The following CAB39 variants were observed in gnomAD, a reference collection of about 807,000 sequenced individuals.
The protein encoded by CAB39 is calcium binding protein 39.
In CAB39, 8 loss-of-function variants were observed where a neutral mutation model predicts 40.0. The ratio of observed to expected loss-of-function variants is 0.20; its 90% CI spans 0.12 to 0.36. The LOEUF (loss-of-function observed/expected upper bound fraction) is 0.36, where lower values mean the gene tolerates loss of function less well. Among genes scored for constraint, CAB39 ranks in the 10% least tolerant of loss-of-function variants. CAB39 has a pLI of 1.00. For synonymous variants in CAB39, 156 were observed against 141.6 expected, an observed-to-expected ratio of 1.10 and a Z score of -0.72; for missense variants, 270 against 401.1, an observed-to-expected ratio of 0.67 and a Z score of 2.79.
intron 3 of CAB39, 87 bp downstream of exon 3, chr2:230,791,123 T>C (rs1001440535): frequency 4.9e-5 from 51 of 1,042,982 alleles, no homozygotes; most frequent in Middle Eastern, 5.8e-4. Flanking sequence ...CATTGTAAGA[T>C]TCCTTTTGGG....
intron 1 of CAB39, among the ~76,000 whole-genome samples, chr2:230,729,377 C>CAA (rs766089810): frequency 6.6e-6 from 1 of 152,194 alleles, no homozygotes. Context: ...CTATTGGAAA[C>CAA]TGGTGGAATA....
intron 6 of CAB39, among the ~76,000 whole-genome samples, chr2:230,812,227 C>T (rs1696318055): frequency 2.0e-5 from 3 of 152,142 alleles, no homozygotes; most frequent in African/African-American, 7.2e-5. Flanking sequence ...CTCTCCTTGG[C>T]GTTCTTAAAG....
At chr2:230,756,749 G>A (rs555213910) in intron 1 of CAB39, among the ~76,000 whole-genome samples, 2 of 152,098 alleles carry the variant, frequency 1.3e-5, no homozygotes, top group East Asian at 3.9e-4. Flanking sequence ...CTGGAGTGCA[G>A]TGGCGTGATC....
intron 5 of CAB39, among the ~76,000 whole-genome samples, chr2:230,807,421 C>T (rs1314428342): frequency 6.6e-6 from 1 of 150,994 alleles, no homozygotes; most frequent in Non-Finnish European, 1.5e-5. Flanking sequence ...CCCCCAACCC[C>T]CCACCCCAGG....
intron 4 of CAB39, among the ~76,000 whole-genome samples, chr2:230,796,763 A>T (rs1451793091): frequency 6.6e-6 from 1 of 152,156 alleles, no homozygotes; most frequent in Non-Finnish European, 1.5e-5. Context: ...GCAAGGGTTG[A>T]TAAAAGGAAT....
At chr2:230,758,560 T>C (rs923517068) in intron 1 of CAB39, among the ~76,000 whole-genome samples, 1 of 152,228 alleles carries the variant, frequency 6.6e-6, no homozygotes, top group African/African-American at 2.4e-5. Context: ...TAAACAAATA[T>C]GTAAGTCACT....
rs574110087 is a variant in CAB39, at chr2:230,815,842, G to C, written c.693+1728G>C. ...CCCATGAACACATGGAGCGGCTTCA[G>C]CACCAGCCGTACTTTAAAGATGGAT... On this transcript the variant is annotated intron_variant, in intron 7 of 8. Transcript: ENST00000258418. Among the ~76,000 whole-genome samples, 31 of 152,344 alleles carry C rather than the reference G, an allele frequency of 2.0e-4. No individual in the cohort carries two copies. The South Asian group carries it at 6.4e-3, about 32-fold the overall frequency.
intron 5 of CAB39, among the ~76,000 whole-genome samples, chr2:230,802,367 A>G (rs192987885): frequency 3.3e-4 from 50 of 152,328 alleles, no homozygotes; most frequent in African/African-American, 1.2e-3. Flanking sequence ...AGCAAGAGCA[A>G]ACACATCCAA....
intron 6 of CAB39, 126 bp downstream of exon 6, chr2:230,810,448 G>A (rs1385817921): frequency 3.1e-5 from 13 of 421,406 alleles, no homozygotes; most frequent in Admixed American, 9.0e-5. Context: ...AAATGGTGCC[G>A]TAGTTATTTC....
At chr2:230,804,557 TCAAA>T (rs953434660) in intron 5 of CAB39, among the ~76,000 whole-genome samples, 15 of 151,866 alleles carry the variant, frequency 9.9e-5, no homozygotes, top group Admixed American at 2.6e-4. Flanking sequence ...AAGAAAAAAA[TCAAA>T]CAACCCCATC....
chr2:230,724,173 G>A (rs955684751), intron 1 of CAB39, among the ~76,000 whole-genome samples: 5 of 151,930 alleles, frequency 3.3e-5, no homozygotes, highest in Admixed American at 2.0e-4. Flanking sequence ...CTTGAACCCG[G>A]GAGGTGGAGG....
At chr2:230,781,994 A>G (rs1695694838) in intron 2 of CAB39, among the ~76,000 whole-genome samples, 1 of 152,142 alleles carries the variant, frequency 6.6e-6, no homozygotes, top group African/African-American at 2.4e-5. Context: ...CCTCCCAAGT[A>G]GCCAGGGCTA....
At chr2:230,729,021 T>A (rs1354926557) in intron 1 of CAB39, among the ~76,000 whole-genome samples, 1 of 152,230 alleles carries the variant, frequency 6.6e-6, no homozygotes, top group Non-Finnish European at 1.5e-5. Context: ...GTGTGCCAAG[T>A]AAGTGTTTTA....
chr2:230,782,805 C>CTT (rs1559609011), intron 2 of CAB39, among the ~76,000 whole-genome samples: 1 of 108,442 alleles, frequency 9.2e-6, no homozygotes, highest in African/African-American at 5.6e-5. Context: ...TTCTTTCTTT[C>CTT]TTTCTTTCTT....
At chr2:230,805,283 G>C (rs1422146627) in intron 5 of CAB39, among the ~76,000 whole-genome samples, 1 of 152,032 alleles carries the variant, frequency 6.6e-6, no homozygotes, top group Non-Finnish European at 1.5e-5. Flanking sequence ...ATAGCATTAA[G>C]AGAAATACCT....
rs1169017490 is a variant in CAB39, at chr2:230,798,788, A to G, written c.458A>G (p.His153Arg). ...CGIMLRECIRHEPLAKIILWS... is the reference protein window; with the variant it reads ...CGIMLRECIRREPLAKIILWS... Reference sequence around the variant, plus strand: ...ATAATGTTAAGAGAATGCATCAGACATGAACCACTTGCAAAAATCATTTTG... The same window carrying G: ...ATAATGTTAAGAGAATGCATCAGACGTGAACCACTTGCAAAAATCATTTTG... The change falls in exon 5 of 9, where the codon CAT (histidine) becomes CGT (arginine). Residue 153 changes from histidine (H) to arginine (R), a missense_variant. Transcript: ENST00000258418. The G allele has an allele frequency of 6.2e-7, 1 of 1,610,958 alleles. No homozygotes were observed. The highest frequency in any genetic ancestry group is 1.3e-5 in the African/African-American group (1 of 74,894).
At chr2:230,726,884 A>G (rs1694582513) in intron 1 of CAB39, among the ~76,000 whole-genome samples, 1 of 150,088 alleles carries the variant, frequency 6.7e-6, no homozygotes, top group African/African-American at 2.5e-5. Context: ...GACTTTTTAA[A>G]TATAGTGAAA....
chr2:230,817,627 C>T, intron 7 of CAB39, 127 bp from the exon 8 acceptor site: 1 of 658,200 alleles, frequency 1.5e-6, no homozygotes, highest in Non-Finnish European at 2.4e-6. Flanking sequence ...TAATTCAGTT[C>T]AGTTCTTCGG....
At chr2:230,801,466 T>C (rs1216245188) in intron 5 of CAB39, among the ~76,000 whole-genome samples, 7 of 152,160 alleles carry the variant, frequency 4.6e-5, no homozygotes, top group African/African-American at 1.7e-4. Flanking sequence ...ATGCTTTCCT[T>C]TGAGAATGTG....
Sources: allele counts gnomAD v4.1 joint callset (sites outside exome capture counted in the v4.1 genomes callset), GRCh38; gene constraint gnomAD v4.1.1; transcripts MANE v1.5; gene names NCBI Gene and HGNC (gene_info 2026-07-23, HGNC 2026-07-21).